RASAL2: variants seen among roughly 807,000 people sequenced by gnomAD.
RASAL2 encodes the protein RAS protein activator like 2.
A neutral mutation model predicts 128.9 loss-of-function variants in RASAL2; 58 were observed. The observed-to-expected ratio is 0.45, with a 90% CI of 0.36 to 0.56. The LOEUF (loss-of-function observed/expected upper bound fraction) is 0.56, where lower values mean the gene tolerates loss of function less well. RASAL2 is among the 20% of genes least tolerant of loss of function. The pLI is 0.00. For synonymous variants in RASAL2, 561 were observed against 580.8 expected (o/e 0.97, Z 0.49); for missense variants, 1,360 against 1,601.6 (o/e 0.85, Z 2.57).
At chr1:178,457,191 G>A (rs561250119) in intron 13 of RASAL2, among the ~76,000 whole-genome samples, 2 of 152,290 alleles carry the variant, frequency 1.3e-5, no homozygotes, top group African/African-American at 4.8e-5. Flanking sequence ...GTTTCTGTAC[G>A]TTATAGCATT....
At chr1:178,286,709 G>T (rs878882901) in intron 2 of RASAL2, among the ~76,000 whole-genome samples, 1 of 152,202 alleles carries the variant, frequency 6.6e-6, no homozygotes, top group Non-Finnish European at 1.5e-5. Flanking sequence ...ACCGTGCCCG[G>T]CCTGTAGTCA....
chr1:178,098,189 A>G (rs762947727), intron 1 of RASAL2, among the ~76,000 whole-genome samples: 23 of 152,110 alleles, frequency 1.5e-4, no homozygotes, highest in African/African-American at 2.7e-4. Context: ...TTCATTGTCA[A>G]CTTGTCTGCC....
chr1:178,399,976 A>G (rs1557958753), intron 4 of RASAL2, among the ~76,000 whole-genome samples: 1 of 152,136 alleles, frequency 6.6e-6, no homozygotes, highest in Non-Finnish European at 1.5e-5. Context: ...CATGAACAAG[A>G]CTAGTTTCAT....
At chr1:178,342,779 A>T (rs561310110) in intron 3 of RASAL2, among the ~76,000 whole-genome samples, 1 of 152,350 alleles carries the variant, frequency 6.6e-6, no homozygotes, top group African/African-American at 2.4e-5. Flanking sequence ...ATAAGATAAT[A>T]TTTTAAATTA....
intron 1 of RASAL2, among the ~76,000 whole-genome samples, chr1:178,154,931 C>T (rs971464069): frequency 1.3e-5 from 2 of 152,174 alleles, no homozygotes; most frequent in Non-Finnish European, 2.9e-5. Context: ...TCAGGCGATT[C>T]TCCTGCCTCA....
chr1:178,381,396 C>T (rs537825901), intron 3 of RASAL2, among the ~76,000 whole-genome samples: 9 of 152,174 alleles, frequency 5.9e-5, no homozygotes, highest in Admixed American at 2.6e-4. Flanking sequence ...ACAGCCATTT[C>T]GAAGAGATAC....
At chr1:178,245,760 G>T (rs151210473) in intron 1 of RASAL2, among the ~76,000 whole-genome samples, 2,048 of 152,240 alleles carry the variant, frequency 0.013, 48 homozygotes, top group African/African-American at 0.046. Flanking sequence ...TGCAAGGAAG[G>T]GGTCCAGTTT....
rs746650378 is a variant in RASAL2 at position 178,456,717 on chromosome 1, A to G, written c.2212-4A>G. 3.7e-6 allele frequency: 6 copies of G among 1,613,988 alleles called. No homozygotes were observed. The highest frequency in any genetic ancestry group is 1.7e-5 in the Admixed American group (1 of 60,026). On this transcript the variant is annotated splice_polypyrimidine_tract_variant and splice_region_variant and intron_variant, in intron 12 of 17. Transcript: ENST00000367649. ...CCAATTAGGGTGAAAATTCCTTCCT[A>G]CAGGCGACCGTGGCAAAATTGGGGC...
intron 5 of RASAL2, among the ~76,000 whole-genome samples, chr1:178,426,206 TAAC>T (rs1478412494): frequency 3.9e-5 from 6 of 152,168 alleles, no homozygotes; most frequent in South Asian, 4.1e-4. Flanking sequence ...TGAATGTTCA[TAAC>T]AACATTATTC....
At chr1:178,294,900 A>G (rs1035303625) in intron 2 of RASAL2, among the ~76,000 whole-genome samples, 3 of 152,224 alleles carry the variant, frequency 2.0e-5, no homozygotes, top group Non-Finnish European at 4.4e-5. Flanking sequence ...GGGAAAGACT[A>G]CGTAAGTTTT....
chr1:178,473,082 G>A lies in RASAL2; in HGVS notation c.3686G>A (p.Arg1229Gln), dbSNP rs767538274. 4.6e-5 allele frequency: 75 copies of A among 1,614,122 alleles called. 1 individual carries two copies. Among genetic ancestry groups the A allele is most frequent in the South Asian group, 6.6e-5 (6 of 91,066 alleles). ...KQKIIDAQEK[R>Q]IVSLDSANTR... ...ATGATTGGTGTGTTGTAGGAAAAACGGATCGTGTCCCTGGATTCAGCCAAC... is the reference window on the plus strand; with the variant it reads ...ATGATTGGTGTGTTGTAGGAAAAACAGATCGTGTCCCTGGATTCAGCCAAC... The change falls in exon 18 of 18, where the codon CGG (arginine) becomes CAG (glutamine). Residue 1229 changes from arginine (R) to glutamine (Q), a missense_variant. Physicochemically the swap from Arg to Gln is conservative, Grantham distance 43 (BLOSUM62 1). Transcript: ENST00000367649.
chr1:178,464,337 T>A lies in RASAL2; in HGVS notation c.3312T>A (p.Val1104=). The change falls in exon 15 of 18, where the codon GTT becomes GTA. Residue 1104 remains valine (V), a synonymous_variant. Transcript: ENST00000367649. ...MSPVERTAAW[V]LNNGQYEEDV... ...CAGTAGAGAGGACAGCAGCCTGGGT[T>A]CTGAACAATGGGCAGTATGAAGAGG... 6.2e-7 allele frequency: 1 copy of A among 1,613,834 alleles called. No individual in the cohort carries two copies. Among genetic ancestry groups the A allele is most frequent in the South Asian group, 1.1e-5 (1 of 91,034 alleles).
At chr1:178,460,187 G>A (rs892332857) in intron 14 of RASAL2, among the ~76,000 whole-genome samples, 2 of 152,214 alleles carry the variant, frequency 1.3e-5, no homozygotes, top group Non-Finnish European at 2.9e-5. Flanking sequence ...GATAAAATAG[G>A]ATTAGCGAAG....
chr1:178,121,404 CAGTT>C (rs575780385), intron 1 of RASAL2, among the ~76,000 whole-genome samples: 23 of 152,096 alleles, frequency 1.5e-4, no homozygotes, highest in Non-Finnish European at 2.1e-4. Context: ...GTGATTTGCT[CAGTT>C]AGAGACTAAT....
At chr1:178,143,450 TA>T (rs1230565193) in intron 1 of RASAL2, among the ~76,000 whole-genome samples, 2 of 151,758 alleles carry the variant, frequency 1.3e-5, no homozygotes, top group East Asian at 3.9e-4. Flanking sequence ...GAAGCAGATT[TA>T]AAAAAAACCC....
At chr1:178,121,638 A>G (rs1016359624) in intron 1 of RASAL2, among the ~76,000 whole-genome samples, 1 of 151,976 alleles carries the variant, frequency 6.6e-6, no homozygotes, top group African/African-American at 2.4e-5. Flanking sequence ...GGTGCGCACC[A>G]CCATGCCTGG....
chr1:178,267,519 TG>T (rs1295177597), intron 1 of RASAL2, among the ~76,000 whole-genome samples: 1 of 151,988 alleles, frequency 6.6e-6, no homozygotes, highest in Non-Finnish European at 1.5e-5. Flanking sequence ...TTTTCCTGTT[TG>T]TTTAGTTTTC....
chr1:178,306,118 A>G (rs762977962), intron 3 of RASAL2, among the ~76,000 whole-genome samples: 5 of 152,228 alleles, frequency 3.3e-5, no homozygotes, highest in African/African-American at 9.6e-5. Context: ...TCATTGTTCA[A>G]TTCCCACCTT....
intron 1 of RASAL2, among the ~76,000 whole-genome samples, chr1:178,265,321 C>T (rs908904828): frequency 6.6e-6 from 1 of 152,264 alleles, no homozygotes; most frequent in Non-Finnish European, 1.5e-5. Context: ...TGCAGTAGCA[C>T]GATCTTGGCT....
Sources: gnomAD v4.1 joint callset for allele counts (sites outside exome capture counted in the v4.1 genomes callset) on GRCh38, gnomAD v4.1.1 for gene constraint, MANE v1.5 for transcripts, NCBI Gene and HGNC (gene_info 2026-07-23, HGNC 2026-07-21) for gene names.